Variants in RNFT2 observed in about 807,000 individuals in gnomAD.
RNFT2 encodes the protein E3 ubiquitin-protein ligase RNFT2.
Under a neutral mutation model 53.0 loss-of-function variants are expected in RNFT2, and 36 were observed. That is an observed-to-expected ratio of 0.68 (90% CI 0.52 to 0.90). The LOEUF (loss-of-function observed/expected upper bound fraction) is 0.90, where lower values mean the gene tolerates loss of function less well. Among genes scored for constraint, RNFT2 ranks in the 40% least tolerant of loss-of-function variants. The pLI, the probability that RNFT2 is intolerant of heterozygous loss-of-function variation, is 0.00. For missense variants in RNFT2, 514 were observed against 585.6 expected (o/e 0.88, Z 1.26); for synonymous variants, 260 against 253.2 (o/e 1.03, Z -0.26).
Position 116,764,765 on chromosome 12 carries a change from G to A in RNFT2, c.628-2049G>A, listed in dbSNP as rs561193631. ...AAATTAGCTGGGCATGGTGGTGGGC[G>A]CCTGTAATCCCAGCCACTTGGGAGG... is the stretch of plus-strand genomic sequence containing the variant. On this transcript the variant is annotated intron_variant, in intron 5 of 10. Transcript: ENST00000257575. Among the ~76,000 whole-genome samples, 73 of 152,268 alleles carry A rather than the reference G, an allele frequency of 4.8e-4. 1 individual carries two copies. Among genetic ancestry groups the A allele is most frequent in the South Asian group, 1.9e-3 (9 of 4,828 alleles).
At chr12:116,766,171 A>G (rs1872907623) in intron 5 of RNFT2, among the ~76,000 whole-genome samples, 1 of 151,936 alleles carries the variant, frequency 6.6e-6, no homozygotes, top group African/African-American at 2.4e-5. Context: ...GGTGCTAGCT[A>G]CTTAGGATGC....
chr12:116,821,065 G>A (rs1172743564), intron 7 of RNFT2, among the ~76,000 whole-genome samples: 2 of 152,094 alleles, frequency 1.3e-5, no homozygotes, highest in Non-Finnish European at 1.5e-5. Context: ...TGCCGTTCCT[G>A]GCCCCTGGTA....
intron 7 of RNFT2, among the ~76,000 whole-genome samples, chr12:116,787,155 G>A (rs1486938415): frequency 6.6e-6 from 1 of 152,180 alleles, no homozygotes; most frequent in African/African-American, 2.4e-5. Flanking sequence ...AAAGAGAGGT[G>A]AGATAGTTTG....
In RNFT2 at chr12:116,773,128, A is replaced by C. The variant is rs555792165; in HGVS notation, c.729-6067A>C. Among the ~76,000 whole-genome samples the C allele has an allele frequency of 4.0e-5, 6 of 151,274 alleles. No individual in the cohort carries two copies. In the South Asian group the frequency reaches 1.3e-3, roughly 32 times the overall value. On this transcript the variant is annotated intron_variant, in intron 6 of 10. Coordinates refer to ENST00000257575, the MANE Select transcript of RNFT2 (RefSeq NM_001382266.1). ...AGGTATGAGCCACCACGCCCGGCCAATTTTTCATAATTTTAATAGAGACAG... is the reference window on the plus strand; with the variant it reads ...AGGTATGAGCCACCACGCCCGGCCACTTTTTCATAATTTTAATAGAGACAG...
chr12:116,779,869 G>T (rs781703385), intron 7 of RNFT2, among the ~76,000 whole-genome samples: 2 of 152,204 alleles, frequency 1.3e-5, no homozygotes, highest in East Asian at 1.9e-4. Context: ...CCAGGCAGGT[G>T]TTGGAATGAA....
At chr12:116,826,592 C>T (rs1461217786) in intron 7 of RNFT2, among the ~76,000 whole-genome samples, 1 of 152,212 alleles carries the variant, frequency 6.6e-6, no homozygotes, top group East Asian at 1.9e-4. Context: ...AAGTGGCCCA[C>T]CCCCGGCAGC....
intron 10 of RNFT2, among the ~76,000 whole-genome samples, chr12:116,844,541 T>G (rs996483829): frequency 6.6e-6 from 1 of 152,226 alleles, no homozygotes; most frequent in African/African-American, 2.4e-5. Flanking sequence ...GGCCATTATG[T>G]TTTAAATATG....
intron 6 of RNFT2, among the ~76,000 whole-genome samples, 192 bp from the exon 7 acceptor site, chr12:116,779,003 C>CA (rs1328843118): frequency 5.3e-5 from 8 of 152,214 alleles, no homozygotes; most frequent in Non-Finnish European, 8.8e-5. Flanking sequence ...AACTAAGACT[C>CA]AGAGAGGTTA....
intron 5 of RNFT2, among the ~76,000 whole-genome samples, chr12:116,762,932 GT>G (rs1872745809): frequency 1.3e-5 from 2 of 151,904 alleles, no homozygotes; most frequent in African/African-American, 4.8e-5. Context: ...TTTTTAAAAA[GT>G]TAGCCAGGTG....
chr12:116,801,425 C>T (rs1428593702), intron 7 of RNFT2: 1 of 152,152 alleles, frequency 6.6e-6, no homozygotes, highest in Non-Finnish European at 1.5e-5. Flanking sequence ...GTGGAATCGT[C>T]GAAAGAGCAC....
At chr12:116,755,973 T>C (rs1872492403) in intron 5 of RNFT2, 3 of 752,032 alleles carry the variant, frequency 4.0e-6, no homozygotes, top group Admixed American at 2.0e-5. Flanking sequence ...TATGGCCTTA[T>C]AGTATAGGTT....
At chr12:116,748,309 C>A (rs1217071299) in intron 3 of RNFT2, among the ~76,000 whole-genome samples, 1 of 152,176 alleles carries the variant, frequency 6.6e-6, no homozygotes, top group South Asian at 2.1e-4. Flanking sequence ...AGGCCTAACT[C>A]CGGGCTCTCT....
intron 10 of RNFT2, among the ~76,000 whole-genome samples, chr12:116,843,512 A>AAC (rs1877458681): frequency 6.7e-6 from 1 of 149,206 alleles, no homozygotes; most frequent in African/African-American, 2.5e-5. Context: ...AAAAAAAAAA[A>AAC]AAACCCCAAG....
intron 3 of RNFT2, among the ~76,000 whole-genome samples, chr12:116,747,823 C>T (rs903219715): frequency 1.3e-5 from 2 of 152,048 alleles, no homozygotes; most frequent in African/African-American, 4.8e-5. Context: ...AACACATGCA[C>T]GTCGAGCACA....
At chr12:116,750,876 A>ATG (rs1566069481) in intron 4 of RNFT2, among the ~76,000 whole-genome samples, 1 of 1,100 alleles carries the variant, frequency 9.1e-4, no homozygotes, top group Non-Finnish European at 4.9e-3. Flanking sequence ...TATATAATAT[A>ATG]TATATTATAT....
At chr12:116,817,155 G>C (rs1875727997) in intron 7 of RNFT2, among the ~76,000 whole-genome samples, 1 of 152,130 alleles carries the variant, frequency 6.6e-6, no homozygotes, top group Non-Finnish European at 1.5e-5. Context: ...TGCGTCTACA[G>C]GCACGCACTA....
intron 7 of RNFT2, among the ~76,000 whole-genome samples, chr12:116,782,516 G>A (rs913532572): frequency 5.3e-5 from 8 of 151,970 alleles, no homozygotes; most frequent in Non-Finnish European, 1.2e-4. Flanking sequence ...AACAGAGTGA[G>A]ACTCTGCCTC....
intron 7 of RNFT2, among the ~76,000 whole-genome samples, chr12:116,796,602 A>G (rs957534402): frequency 4.6e-5 from 7 of 152,340 alleles, no homozygotes; most frequent in African/African-American, 1.7e-4. Context: ...TGGGGCTTTC[A>G]GTGCCATTAA....
intron 7 of RNFT2, among the ~76,000 whole-genome samples, chr12:116,794,336 G>A (rs913154378): frequency 2.0e-5 from 3 of 152,010 alleles, no homozygotes; most frequent in South Asian, 2.1e-4. Flanking sequence ...AGTGGTTCAC[G>A]TTTGTAATCC....
Sources: gnomAD v4.1 joint callset for allele counts (sites outside exome capture counted in the v4.1 genomes callset) on GRCh38, gnomAD v4.1.1 for gene constraint, MANE v1.5 for transcripts, NCBI Gene and HGNC (gene_info 2026-07-23, HGNC 2026-07-21) for gene names.